The following FSTL4 variants were observed in gnomAD, a reference collection of about 807,000 sequenced individuals.
The protein encoded by FSTL4 is follistatin like 4, also known as follistatin-related protein 4.
Under a neutral mutation model 78.2 loss-of-function variants are expected in FSTL4, and 28 were observed. The ratio of observed to expected loss-of-function variants is 0.36; its 90% CI spans 0.27 to 0.49. The LOEUF is 0.49. Among genes scored for constraint, FSTL4 ranks in the 20% least tolerant of loss-of-function variants. The probability of loss-of-function intolerance (pLI) is 0.98; values close to 1 mark genes in which losing one functional copy is unlikely to be tolerated. For synonymous variants in FSTL4, 422 were observed against 440.5 expected (o/e 0.96, Z 0.53); for missense variants, 922 against 1,084.9 (o/e 0.85, Z 2.11).
At chr5:133,461,567 A>AAACAAACC (rs1561726187) in intron 3 of FSTL4, among the ~76,000 whole-genome samples, 2 of 147,856 alleles carry the variant, frequency 1.4e-5, no homozygotes, top group African/African-American at 5.3e-5. Context: ...ACAAACAAAC[A>AAACAAACC]AACCCTCCGA....
the FSTL4 span, among the ~76,000 whole-genome samples, chr5:133,661,624 G>C: frequency 6.6e-6 from 1 of 152,152 alleles, no homozygotes; most frequent in Non-Finnish European, 1.5e-5. Context: ...CAGTTAGAAA[G>C]GTATTTTGAA....
At chr5:133,819,677 A>C in the FSTL4 span, among the ~76,000 whole-genome samples, 4 of 152,258 alleles carry the variant, frequency 2.6e-5, no homozygotes, top group Non-Finnish European at 4.4e-5. Context: ...GCATTGTTCC[A>C]GATGAGACCT....
chr5:133,311,838 A>T (rs1021864889), intron 6 of FSTL4, among the ~76,000 whole-genome samples: 1 of 152,172 alleles, frequency 6.6e-6, no homozygotes, highest in South Asian at 2.1e-4. Context: ...GCAGAGCTTG[A>T]ACATCTTCTA....
intron 6 of FSTL4, among the ~76,000 whole-genome samples, chr5:133,285,952 C>T (rs577221152): frequency 7.2e-5 from 11 of 152,346 alleles, no homozygotes; most frequent in South Asian, 2.1e-4. Context: ...GGAGCTGGAT[C>T]GGTGGCCCCA....
At chr5:133,631,819 T>G in the FSTL4 span, among the ~76,000 whole-genome samples, 1 of 152,212 alleles carries the variant, frequency 6.6e-6, no homozygotes, top group East Asian at 1.9e-4. Flanking sequence ...TATGCAGCCA[T>G]AAAAAAGGAT....
At chr5:133,774,424 C>T in the FSTL4 span, among the ~76,000 whole-genome samples, 2 of 152,226 alleles carry the variant, frequency 1.3e-5, no homozygotes, top group East Asian at 1.9e-4. Flanking sequence ...GCTAAAGATG[C>T]TGTAAACGTC....
intron 2 of FSTL4, among the ~76,000 whole-genome samples, chr5:133,595,391 C>T (rs1352288681): frequency 6.6e-6 from 1 of 152,332 alleles, no homozygotes; most frequent in Non-Finnish European, 1.5e-5. Flanking sequence ...AAACCCCATA[C>T]GATGACAAAA....
intron 8 of FSTL4, among the ~76,000 whole-genome samples, chr5:133,230,786 G>C (rs1476283256): frequency 6.6e-6 from 1 of 152,120 alleles, no homozygotes; most frequent in African/African-American, 2.4e-5. Context: ...CTAGGCCTCT[G>C]GGGCATCCCT....
chr5:133,570,070 G>A lies in FSTL4; in HGVS notation c.127-2851C>T, dbSNP rs907679489. Among the ~76,000 whole-genome samples the A allele has an allele frequency of 5.3e-5, 8 of 151,660 alleles. No individual in the cohort carries two copies. In the East Asian group the frequency reaches 5.9e-4, roughly 11 times the overall value. Reference sequence around the variant, plus strand: ...TAAAAATACAAAAAATTAGCCGGGCGTGGTGGTGGGCGCCTGTAGTCCCAG... The same window carrying A: ...TAAAAATACAAAAAATTAGCCGGGCATGGTGGTGGGCGCCTGTAGTCCCAG... On this transcript the variant is annotated intron_variant, in intron 2 of 15. Coordinates refer to ENST00000265342, the MANE Select transcript of FSTL4 (RefSeq NM_015082.2).
chr5:133,225,318 C>A lies in FSTL4; in HGVS notation c.1178-34G>T. Reference sequence around the variant, plus strand: ...AGGACAGTGCTCAGGGTGGACTGCTCAGCTGGAGACCCACTCACTTTCCTT... The same window carrying A: ...AGGACAGTGCTCAGGGTGGACTGCTAAGCTGGAGACCCACTCACTTTCCTT... On this transcript the variant is annotated intron_variant, in intron 9 of 15. Coordinates refer to ENST00000265342, the MANE Select transcript of FSTL4 (RefSeq NM_015082.2). The surrounding 1 kb of genome is among the most constrained non-coding windows in gnomAD (Gnocchi z 4.6). 6.2e-7 allele frequency: 1 copy of A among 1,613,350 alleles called. No individual in the cohort carries two copies. Among genetic ancestry groups the A allele is most frequent in the South Asian group, 1.1e-5 (1 of 91,048 alleles).
intron 3 of FSTL4, among the ~76,000 whole-genome samples, chr5:133,485,178 C>T (rs1476419898): frequency 6.6e-6 from 1 of 152,218 alleles, no homozygotes; most frequent in Admixed American, 6.5e-5. Context: ...GAGTTTCTTT[C>T]AATGGCCACA....
chr5:133,293,957 G>A lies in FSTL4; in HGVS notation c.727+18697C>T, dbSNP rs554721776. ...CTTCTCTTTTATTTGTCCATGGCAC[G>A]GGACGAGTTGGCCATATTAGATGGT... On this transcript the variant is annotated intron_variant, in intron 6 of 15. Coordinates refer to ENST00000265342, the MANE Select transcript of FSTL4 (RefSeq NM_015082.2). Among the ~76,000 whole-genome samples the A allele has an allele frequency of 1.2e-4, 18 of 152,114 alleles. No individual in the cohort carries two copies. The East Asian group carries it at 1.4e-3, about 11-fold the overall frequency.
At chr5:133,379,448 C>T (rs935986172) in intron 4 of FSTL4, among the ~76,000 whole-genome samples, 10 of 151,970 alleles carry the variant, frequency 6.6e-5, no homozygotes, top group African/African-American at 2.4e-4. Flanking sequence ...GCAGAATGCA[C>T]ATTTTTCTCA....
At chr5:133,376,891 A>AG (rs745639679) in intron 4 of FSTL4, among the ~76,000 whole-genome samples, 4 of 30,348 alleles carry the variant, frequency 1.3e-4, no homozygotes, top group Admixed American at 5.7e-4. Flanking sequence ...TCTGTCTCAA[A>AG]AAAAAAAAAA....
At chr5:133,642,515 A>C in the FSTL4 span, among the ~76,000 whole-genome samples, 1 of 152,184 alleles carries the variant, frequency 6.6e-6, no homozygotes, top group East Asian at 1.9e-4. Context: ...TCCATGATAC[A>C]TGATCCTTAA....
intron 4 of FSTL4, 100 bp downstream of exon 4, chr5:133,400,638 A>C: frequency 9.2e-7 from 1 of 1,083,386 alleles, no homozygotes; most frequent in Non-Finnish European, 1.4e-6. Flanking sequence ...TTTCCTAAAC[A>C]TATGTAACTT....
At chr5:133,628,612 G>C in the FSTL4 span, among the ~76,000 whole-genome samples, 1 of 152,044 alleles carries the variant, frequency 6.6e-6, no homozygotes, top group African/African-American at 2.4e-5. Context: ...CACCCACCTC[G>C]GCCTCCCTAA....
chr5:133,486,083 G>A (rs1236705463), intron 3 of FSTL4, among the ~76,000 whole-genome samples: 6 of 152,134 alleles, frequency 3.9e-5, no homozygotes, highest in Non-Finnish European at 5.9e-5. Flanking sequence ...GCCTTCATGC[G>A]ACCATCGGTA....
the FSTL4 span, among the ~76,000 whole-genome samples, chr5:133,695,423 C>T: frequency 6.6e-6 from 1 of 152,130 alleles, no homozygotes; most frequent in Non-Finnish European, 1.5e-5. Flanking sequence ...GCAGGTTTCC[C>T]TTCTCAAATG....
Sources: gnomAD v4.1 joint callset for allele counts (sites outside exome capture counted in the v4.1 genomes callset) on GRCh38, gnomAD v4.1.1 for gene constraint, Gnocchi (gnomAD v3.1) non-coding constraint, MANE v1.5 for transcripts, NCBI Gene and HGNC (gene_info 2026-07-23, HGNC 2026-07-21) for gene names.